ZP3: variants seen among roughly 807,000 people sequenced by gnomAD.
The protein encoded by ZP3 is zona pellucida glycoprotein 3, also known as zona pellucida sperm-binding protein 3.
Under a neutral mutation model 35.6 loss-of-function variants are expected in ZP3, and 21 were observed. The observed-to-expected ratio is 0.59, with a 90% confidence interval of 0.42 to 0.85. ZP3 has a LOEUF of 0.85. Ranked by LOEUF, ZP3 falls within the 40% of genes least tolerant of loss-of-function variation. ZP3 has a pLI of 0.00. For missense variants in ZP3, 437 were observed against 536.5 expected (o/e 0.81, Z 1.83); for synonymous variants, 207 against 214.5 (o/e 0.96, Z 0.31).
At chr7:76,430,562 ATC>A (rs1424395076) in intron 2 of ZP3, among the ~76,000 whole-genome samples, 2 of 152,104 alleles carry the variant, frequency 1.3e-5, no homozygotes, top group Non-Finnish European at 2.9e-5. Flanking sequence ...GGTGAAACCC[ATC>A]TCTACTAAAA....
At chr7:76,408,678 T>C (rs1805125878) in intron 1 of ZP3, among the ~76,000 whole-genome samples, 1 of 152,150 alleles carries the variant, frequency 6.6e-6, no homozygotes, top group Non-Finnish European at 1.5e-5. Context: ...CAGAGCCCTC[T>C]GCCAAGCCTG....
chr7:76,420,652 T>C (rs1262294082), upstream of ZP3, among the ~76,000 whole-genome samples: 1 of 152,204 alleles, frequency 6.6e-6, no homozygotes, highest in Non-Finnish European at 1.5e-5. Flanking sequence ...TTTTGGAACT[T>C]GGTTAACAGC....
intron 1 of ZP3, among the ~76,000 whole-genome samples, chr7:76,402,640 A>G (rs116330309): frequency 0.03 from 4,596 of 151,924 alleles, 211 homozygotes; most frequent in African/African-American, 0.1. Context: ...TGCTTCAGCC[A>G]TCATGTATGT....
At chr7:76,413,280 G>C (rs890643938) in intron 1 of ZP3, among the ~76,000 whole-genome samples, 1 of 149,862 alleles carries the variant, frequency 6.7e-6, no homozygotes, top group African/African-American at 2.5e-5. Context: ...TTTGAGACAG[G>C]GTCTTGCTTT....
chr7:76,424,236 C>CACAGCCA (rs1188269015), upstream of ZP3, among the ~76,000 whole-genome samples: 8 of 152,134 alleles, frequency 5.3e-5, no homozygotes, highest in African/African-American at 1.7e-4. Context: ...AGCAGGGGAT[C>CACAGCCA]GGAGGGAAGC....
At chr7:76,421,080 C>A (rs777870229), upstream of ZP3, among the ~76,000 whole-genome samples, 1 of 151,928 alleles carries the variant, frequency 6.6e-6, no homozygotes, top group Non-Finnish European at 1.5e-5. Flanking sequence ...GGATTATAGG[C>A]GTGTGCCACC....
intron 2 of ZP3, among the ~76,000 whole-genome samples, chr7:76,431,188 G>A (rs912924829): frequency 2.0e-5 from 3 of 152,176 alleles, no homozygotes; most frequent in Non-Finnish European, 4.4e-5. Context: ...CAGGAGCTAA[G>A]AGCAGTTGGA....
At chr7:76,402,093 C>T (rs1306280771) in intron 1 of ZP3, among the ~76,000 whole-genome samples, 1 of 151,806 alleles carries the variant, frequency 6.6e-6, no homozygotes, top group Non-Finnish European at 1.5e-5. Context: ...GATCATAGCT[C>T]ACTGCACCCT....
chr7:76,409,350 CACACACACAT>C (rs1473744104), intron 1 of ZP3: 2 of 149,178 alleles, frequency 1.3e-5, no homozygotes, highest in East Asian at 4.1e-4. Flanking sequence ...CACACACACA[CACACACACAT>C]GCATGCACAC....
chr7:76,400,591 T>C, intron 1 of ZP3: 1 of 1,463,896 alleles, frequency 6.8e-7, no homozygotes, highest in South Asian at 1.4e-5. Context: ...CAGCCTCAGC[T>C]CTGTGAAGAG....
intron 1 of ZP3, among the ~76,000 whole-genome samples, chr7:76,411,074 C>G (rs1048712496): frequency 6.6e-6 from 1 of 151,866 alleles, no homozygotes; most frequent in Non-Finnish European, 1.5e-5. Context: ...TCTCCACGCC[C>G]CTGCTGCCCG....
intron 2 of ZP3, among the ~76,000 whole-genome samples, chr7:76,431,125 T>A (rs1437236482): frequency 1.3e-5 from 2 of 152,084 alleles, no homozygotes; most frequent in African/African-American, 4.8e-5. Context: ...GCTGGAAAAC[T>A]GGGATTCAAT....
intron 5 of ZP3, among the ~76,000 whole-genome samples, chr7:76,436,265 T>C (rs1200796921): frequency 1.3e-5 from 2 of 152,100 alleles, no homozygotes; most frequent in African/African-American, 4.8e-5. Context: ...CAGGCTGGTC[T>C]TGAATACCCG....
At chr7:76,433,825 A>G (rs953690176) in intron 4 of ZP3, 178 bp downstream of exon 4, 25 of 1,028,272 alleles carry the variant, frequency 2.4e-5, no homozygotes, top group African/African-American at 1.1e-4. Context: ...CAGCCCCCCA[A>G]GTAGCTGAGA....
chr7:76,423,025 G>GAGAAAGAAAGAA (rs200948956), upstream of ZP3, among the ~76,000 whole-genome samples: 248 of 75,728 alleles, frequency 3.3e-3, 4 homozygotes, highest in South Asian at 5.8e-3. Context: ...GAGAGAGAGA[G>GAGAAAGAAAGAA]AGAAAGAAAG....
intron 1 of ZP3, among the ~76,000 whole-genome samples, chr7:76,415,962 T>G (rs1805360345): frequency 6.7e-6 from 1 of 150,292 alleles, no homozygotes; most frequent in Non-Finnish European, 1.5e-5. Flanking sequence ...AAACCCCGTC[T>G]CTACTAAAAA....
At chr7:76,435,107 G>T (rs1805952402) in intron 5 of ZP3, among the ~76,000 whole-genome samples, 1 of 152,160 alleles carries the variant, frequency 6.6e-6, no homozygotes, top group African/African-American at 2.4e-5. Context: ...AGCACTTTGG[G>T]AGGCTGAGGC....
In ZP3 at chr7:76,425,150, C is replaced by T. The variant is rs115350845; in HGVS notation, c.186C>T (p.Thr62=). The change falls in exon 1 of 8, where the codon ACC becomes ACT. Residue 62 remains threonine, a synonymous_variant. Coordinates refer to ENST00000394857, the MANE Select transcript of ZP3 (RefSeq NM_001110354.2). ...MVMVSKDLFG[T]GKLIRAADLT... is the part of the protein sequence containing the mutation. ...TGGTCAGCAAAGACCTTTTTGGCACCGGGAAGCTCATCAGGGCTGCTGACC... is the reference window on the plus strand; with the variant it reads ...TGGTCAGCAAAGACCTTTTTGGCACTGGGAAGCTCATCAGGGCTGCTGACC... The T allele has an allele frequency of 4.5e-4, 719 of 1,613,950 alleles. No homozygotes were observed. In the African/African-American group the frequency reaches 6.7e-3, roughly 15 times the overall value.
intron 1 of ZP3, chr7:76,428,516 C>T (rs1428444027): frequency 6.6e-6 from 1 of 152,040 alleles, no homozygotes; most frequent in Admixed American, 6.6e-5. Flanking sequence ...TGCTATAAAA[C>T]TCTCTCCCAG....
Sources: allele counts gnomAD v4.1 joint callset (sites outside exome capture counted in the v4.1 genomes callset), GRCh38; gene constraint gnomAD v4.1.1; transcripts MANE v1.5; gene names NCBI Gene and HGNC (gene_info 2026-07-23, HGNC 2026-07-21).